The following CASP9 variants were observed in gnomAD, a reference collection of about 807,000 sequenced individuals.
The protein encoded by CASP9 is caspase 9.
In CASP9, 29 loss-of-function variants were observed where a neutral mutation model predicts 43.5. The observed-to-expected ratio is 0.67, with a 90% CI of 0.50 to 0.91. The LOEUF (loss-of-function observed/expected upper bound fraction) is 0.91, where lower values mean the gene tolerates loss of function less well. CASP9 is among the 40% of genes least tolerant of loss of function. The pLI, the probability that CASP9 is intolerant of heterozygous loss-of-function variation, is 0.00. For missense variants in CASP9, 575 were observed against 537.4 expected (o/e 1.07, Z -0.69); for synonymous variants, 206 against 211.9 (o/e 0.97, Z 0.24).
At chr1:15,512,760 G>A (rs1043175766) in intron 2 of CASP9, among the ~76,000 whole-genome samples, 3 of 152,054 alleles carry the variant, frequency 2.0e-5, no homozygotes, top group African/African-American at 7.2e-5. Context: ...ATAAAACAGA[G>A]GCCCAGAGAC....
At chr1:15,524,344 G>C (rs1469446414), upstream of CASP9, 5 of 1,379,410 alleles carry the variant, frequency 3.6e-6, no homozygotes, top group South Asian at 1.5e-5. Flanking sequence ...CACCGCCTCC[G>C]GACGCATCTC....
intron 2 of CASP9, among the ~76,000 whole-genome samples, chr1:15,509,555 A>C (rs1039999591): frequency 6.6e-6 from 1 of 151,772 alleles, no homozygotes; most frequent in Non-Finnish European, 1.5e-5. Flanking sequence ...GAATCGCTTG[A>C]ACCTGGGAGG....
At chr1:15,507,781 G>A (rs1223723775) in intron 3 of CASP9, 92 bp downstream of exon 3, 2 of 1,298,218 alleles carry the variant, frequency 1.5e-6, no homozygotes, top group African/African-American at 2.9e-5. Context: ...GGGTTCCCTG[G>A]GCTCCTGACA....
chr1:15,524,104 C>A lies in CASP9; in HGVS notation c.97G>T (p.Glu33Ter), dbSNP rs780572790. ...TCGATCATATGGGGCCTGAACAGCT[C>A]GCGGCTCAGCAGGGCGTCCCAGAGC... is the stretch of plus-strand genomic sequence containing the variant. ...DQLWDALLSRELFRPHMIEDI... is the reference protein window; with the variant it reads ...DQLWDALLSR Residue 33 changes from glutamate (E) to a stop codon, truncating the protein, a stop_gained, in exon 1 of 9, where the codon GAG becomes TAG. Coordinates refer to ENST00000333868, the MANE Select transcript of CASP9 (RefSeq NM_001229.5). LOFTEE classifies it high-confidence loss of function. 6.5e-7 allele frequency: 1 copy of A among 1,540,432 alleles called. No homozygotes were observed. The highest frequency in any genetic ancestry group is 8.7e-7 in the Non-Finnish European group (1 of 1,147,974).
At chr1:15,497,296 G>A in intron 6 of CASP9, among the ~76,000 whole-genome samples, 1 of 139,750 alleles carries the variant, frequency 7.2e-6, no homozygotes, top group Admixed American at 7.4e-5. Flanking sequence ...GGGCAACAGA[G>A]CAGGACTCCA....
chr1:15,509,712 A>T (rs1027160411), intron 2 of CASP9, among the ~76,000 whole-genome samples: 1 of 152,142 alleles, frequency 6.6e-6, no homozygotes, highest in African/African-American at 2.4e-5. Context: ...GTGTGGTCTC[A>T]TTGAGAAGAA....
intron 2 of CASP9, among the ~76,000 whole-genome samples, 176 bp downstream of exon 2, chr1:15,517,934 G>A (rs528573875): frequency 1.3e-5 from 2 of 152,272 alleles, no homozygotes; most frequent in East Asian, 3.9e-4. Flanking sequence ...TTTCAGAGGA[G>A]GGGCTGCCAA....
At chr1:15,496,336 C>T (rs903760318) in intron 6 of CASP9, among the ~76,000 whole-genome samples, 1 of 152,108 alleles carries the variant, frequency 6.6e-6, no homozygotes, top group Non-Finnish European at 1.5e-5. Flanking sequence ...AGACTGAAAC[C>T]TTTTTCTATA....
intron 1 of CASP9, among the ~76,000 whole-genome samples, chr1:15,523,062 C>T (rs1407304303): frequency 1.3e-5 from 2 of 152,246 alleles, no homozygotes; most frequent in African/African-American, 2.4e-5. Context: ...TAGGAAATAT[C>T]TCCTGCATCC....
chr1:15,494,051 G>A, intron 7 of CASP9, 50 bp from the exon 8 acceptor site: 2 of 1,537,834 alleles, frequency 1.3e-6, no homozygotes, highest in Admixed American at 2.0e-5. Context: ...CCCTCCGCCG[G>A]CTCCCCACCA....
intron 6 of CASP9, among the ~76,000 whole-genome samples, chr1:15,496,922 G>A (rs368709677): frequency 1.3e-5 from 2 of 152,070 alleles, no homozygotes; most frequent in East Asian, 1.9e-4. Flanking sequence ...GGCTGAGGTG[G>A]GAGAACCACT....
At chr1:15,499,160 TC>T (rs1021644371) in intron 6 of CASP9, among the ~76,000 whole-genome samples, 3 of 152,166 alleles carry the variant, frequency 2.0e-5, no homozygotes, top group Non-Finnish European at 2.9e-5. Flanking sequence ...TTAAGGGGTT[TC>T]CCCCCAGACA....
At chr1:15,507,336 G>C (rs1413499999) in intron 3 of CASP9, among the ~76,000 whole-genome samples, 1 of 152,144 alleles carries the variant, frequency 6.6e-6, no homozygotes, top group African/African-American at 2.4e-5. Flanking sequence ...GACCTCACGG[G>C]TCACCTAGGC....
At chr1:15,518,885 T>G (rs1483000595) in intron 1 of CASP9, among the ~76,000 whole-genome samples, 1 of 152,000 alleles carries the variant, frequency 6.6e-6, no homozygotes, top group African/African-American at 2.4e-5. Context: ...TTTTTTTTTT[T>G]TTTTCTTGAG....
rs1553144436 is a variant in CASP9, at chr1:15,524,058, C to CGAGGGCG, written c.132+10_132+11insCGCCCTC. Reference sequence around the variant, plus strand: ...GCCGTGCAGCGCGGGGACAGGGGGCCGGGGGCGCACCTGGATGTCCTCGAT... The same window carrying CGAGGGCG: ...GCCGTGCAGCGCGGGGACAGGGGGCCGAGGGCGGGGGGCGCACCTGGATGTCCTCGAT... On this transcript the variant is annotated intron_variant, in intron 1 of 8. Transcript: ENST00000333868. 95 of 1,481,838 alleles carry CGAGGGCG rather than the reference C, an allele frequency of 6.4e-5. No individual in the cohort carries two copies. In the Admixed American group the frequency reaches 9.8e-4, roughly 15 times the overall value. The allele number at this position is 1,481,838 out of a possible 1,614,324, so 91.8% of individuals were successfully genotyped here. A position where few individuals can be genotyped will look rare whatever the true frequency, so the allele number is the denominator to read the frequency against.
intron 6 of CASP9, among the ~76,000 whole-genome samples, chr1:15,503,926 A>G (rs944491772): frequency 3.3e-5 from 5 of 152,154 alleles, no homozygotes; most frequent in Admixed American, 6.5e-5. Flanking sequence ...CTCTTTTTTT[A>G]TAAGAAAATC....
At chr1:15,517,940 G>A (rs1710015893) in intron 2 of CASP9, among the ~76,000 whole-genome samples, 170 bp downstream of exon 2, 1 of 152,182 alleles carries the variant, frequency 6.6e-6, no homozygotes, top group African/African-American at 2.4e-5. Flanking sequence ...AGGAGGGGCT[G>A]CCAAGATTCA....
chr1:15,518,052 G>A (rs1279784890), intron 2 of CASP9, 58 bp downstream of exon 2: 2 of 1,562,058 alleles, frequency 1.3e-6, no homozygotes, highest in Non-Finnish European at 1.8e-6. Context: ...TGTACTCATA[G>A]TGAGTCCCAA....
upstream of CASP9, chr1:15,524,868 G>C: frequency 5.5e-6 from 4 of 727,628 alleles, no homozygotes; most frequent in Non-Finnish European, 6.4e-6. Context: ...GCCTCGCGCC[G>C]ACCCCAGAAT....
Sources: gnomAD v4.1 joint callset for allele counts (sites outside exome capture counted in the v4.1 genomes callset) on GRCh38, gnomAD v4.1.1 for gene constraint, MANE v1.5 for transcripts, NCBI Gene and HGNC (gene_info 2026-07-23, HGNC 2026-07-21) for gene names.